Variants in DNAH3 observed in about 807,000 individuals in gnomAD.
DNAH3 encodes the protein axonemal beta dynein heavy chain 3.
In DNAH3, 332 loss-of-function variants were observed where a neutral mutation model predicts 432.5. The ratio of observed to expected loss-of-function variants is 0.77; its 90% CI spans 0.70 to 0.84. The LOEUF (loss-of-function observed/expected upper bound fraction) is 0.84, where lower values mean the gene tolerates loss of function less well. Ranked by LOEUF, DNAH3 falls within the 40% of genes least tolerant of loss-of-function variation. The probability of loss-of-function intolerance (pLI) is 0.00; values close to 1 mark genes in which losing one functional copy is unlikely to be tolerated. For missense variants in DNAH3, 4,861 were observed against 5,114.0 expected, an observed-to-expected ratio of 0.95 and a Z score of 1.51; for synonymous variants, 1,956 against 1,900.2, an observed-to-expected ratio of 1.03 and a Z score of -0.76.
At chr16:21,067,359 C>G in exon 24 of DNAH3, 1 of 1,614,050 alleles carries the variant, frequency 6.2e-7, no homozygotes, top group Non-Finnish European at 8.5e-7. Context: ...AAGTTGGCTT[C>G]TTGAAGCTTC....
intron 18 of DNAH3, among the ~76,000 whole-genome samples, chr16:21,089,382 A>C (rs1025834724): frequency 2.2e-4 from 34 of 152,178 alleles, no homozygotes; most frequent in African/African-American, 7.0e-4. Flanking sequence ...CCCTTGATAA[A>C]ATATTCCACT....
chr16:21,068,221 CT>C (rs1316485391), intron 23 of DNAH3, among the ~76,000 whole-genome samples: 2 of 151,996 alleles, frequency 1.3e-5, no homozygotes, highest in East Asian at 3.9e-4. Context: ...TCCTTCAAGG[CT>C]TGATCCCAAC....
At chr16:21,083,959 T>G (rs1477413747) in intron 19 of DNAH3, among the ~76,000 whole-genome samples, 1 of 152,178 alleles carries the variant, frequency 6.6e-6, no homozygotes, top group Non-Finnish European at 1.5e-5. Context: ...GGAGCCACTG[T>G]CCTAGGGCTG....
At chr16:21,047,507 G>A (rs1264821326) in intron 31 of DNAH3, among the ~76,000 whole-genome samples, 1 of 152,068 alleles carries the variant, frequency 6.6e-6, no homozygotes, top group Non-Finnish European at 1.5e-5. Flanking sequence ...TAGTTCTCTA[G>A]CCTTGGTTTT....
chr16:21,048,643 C>G (rs866535921), intron 31 of DNAH3, among the ~76,000 whole-genome samples: 2 of 152,094 alleles, frequency 1.3e-5, no homozygotes, highest in African/African-American at 4.8e-5. Flanking sequence ...TCTTCTTCGT[C>G]GCTCACGCTG....
intron 39 of DNAH3, among the ~76,000 whole-genome samples, chr16:21,023,786 GGTGTGTGTGTGTGT>G (rs3220045): frequency 2.0e-5 from 3 of 146,384 alleles, no homozygotes; most frequent in East Asian, 2.0e-4. Context: ...CAGCTTTTGG[GGTGTGTGTGTGTGT>G]GTGTGTGTGT....
At chr16:21,070,338 A>G (rs1206629828) in intron 22 of DNAH3, among the ~76,000 whole-genome samples, 1 of 152,116 alleles carries the variant, frequency 6.6e-6, no homozygotes, top group Admixed American at 6.6e-5. Flanking sequence ...GCTGGAGTGC[A>G]ATGGCGCGAT....
At chr16:21,055,708 T>G (rs1269083092) in intron 27 of DNAH3, among the ~76,000 whole-genome samples, 1 of 151,972 alleles carries the variant, frequency 6.6e-6, no homozygotes, top group Non-Finnish European at 1.5e-5. Flanking sequence ...GATTTTATGC[T>G]TCTGAGTCTC....
chr16:21,118,058 G>A (rs11859905), intron 11 of DNAH3, among the ~76,000 whole-genome samples: 5,510 of 152,134 alleles, frequency 0.036, 342 homozygotes, highest in African/African-American at 0.12. Context: ...CACGATCTGG[G>A]CTCATTGCTA....
intron 21 of DNAH3, among the ~76,000 whole-genome samples, chr16:21,074,540 C>T (rs2090907680): frequency 6.6e-6 from 1 of 151,880 alleles, no homozygotes; most frequent in Non-Finnish European, 1.5e-5. Context: ...ATGATGAAAC[C>T]CCATCTCTAC....
intron 31 of DNAH3, among the ~76,000 whole-genome samples, chr16:21,043,212 G>C (rs974092082): frequency 2.0e-5 from 3 of 151,118 alleles, no homozygotes; most frequent in Non-Finnish European, 4.4e-5. Context: ...GGGTCAAATG[G>C]TATTTCCAGT....
chr16:21,113,810 T>C (rs1340686429), intron 12 of DNAH3, among the ~76,000 whole-genome samples: 2 of 152,186 alleles, frequency 1.3e-5, no homozygotes, highest in Admixed American at 6.6e-5. Context: ...ATAGGATTAT[T>C]GTAATGCTTA....
intron 56 of DNAH3, among the ~76,000 whole-genome samples, chr16:20,951,904 C>T (rs1046315784): frequency 3.3e-5 from 5 of 151,806 alleles, no homozygotes; most frequent in African/African-American, 9.7e-5. Context: ...CCACCATGCC[C>T]GGCTAATTTT....
intron 54 of DNAH3, among the ~76,000 whole-genome samples, chr16:20,958,072 ATT>A (rs35285615): frequency 2.6e-4 from 36 of 137,976 alleles, no homozygotes; most frequent in Admixed American, 3.0e-4. Context: ...AAACAGTAGA[ATT>A]TTTTTTTTTT....
At chr16:20,990,470 G>A (rs1464772516) in intron 44 of DNAH3, among the ~76,000 whole-genome samples, 1 of 152,114 alleles carries the variant, frequency 6.6e-6, no homozygotes, top group Non-Finnish European at 1.5e-5. Context: ...ATTCAGGGTT[G>A]TGCAACCATT....
chr16:21,141,480 C>T (rs180768146), intron 3 of DNAH3, 108 bp from the exon 5 acceptor site: 27 of 767,052 alleles, frequency 3.5e-5, no homozygotes, highest in Non-Finnish European at 4.7e-5. Flanking sequence ...CTAAGGGGAG[C>T]GGACATGGTA....
At position 20,988,038 on chromosome 16, in the gene DNAH3, A is replaced by G. The variant is rs148968061; in HGVS notation, c.6629T>C (p.Ile2210Thr). 24 of 1,614,054 alleles carry G rather than the reference A, an allele frequency of 1.5e-5. No homozygotes were observed. The African/African-American group carries it at 2.9e-4, about 20-fold the overall frequency. The stretch of plus-strand genomic sequence containing the variant: ...GTCATCCTCAAAGGCATTGATGGAA[A>G]TGATATTCAGATGGCGAGTGAATCG... The change falls in exon 45 of 62, where the codon ATT (isoleucine) becomes ACT (threonine). Residue 2210 changes from isoleucine (I) to threonine (T), a missense_variant. Coordinates refer to ENST00000261383, the Ensembl canonical transcript of DNAH3.
intron 44 of DNAH3, 116 bp downstream of exon 44, chr16:20,997,167 C>T (rs1297021825): frequency 5.2e-6 from 5 of 960,500 alleles, no homozygotes; most frequent in Non-Finnish European, 7.9e-6. Context: ...CTGCTCCATG[C>T]TCCTGCCACG....
chr16:20,991,204 G>A (rs2086540647), intron 44 of DNAH3, among the ~76,000 whole-genome samples: 1 of 151,254 alleles, frequency 6.6e-6, no homozygotes, highest in Non-Finnish European at 1.5e-5. Context: ...CCATCCAAGT[G>A]TTTATTTGTA....
Sources: gnomAD v4.1 joint callset for allele counts (sites outside exome capture counted in the v4.1 genomes callset) on GRCh38, gnomAD v4.1.1 for gene constraint, MANE v1.5 for transcripts, NCBI Gene and HGNC (gene_info 2026-07-23, HGNC 2026-07-21) for gene names.